The following PACRG variants were observed in gnomAD, a reference collection of about 807,000 sequenced individuals.
PACRG encodes the protein parkin coregulated gene protein.
A neutral mutation model predicts 29.7 loss-of-function variants in PACRG; 29 were observed. The observed-to-expected ratio is 0.98, with a 90% CI of 0.73 to 1.33. PACRG has a LOEUF of 1.33. Ranked by LOEUF, PACRG falls within the 40% of genes most tolerant of loss-of-function variation. PACRG has a pLI of 0.00. For missense variants in PACRG, 279 were observed against 316.2 expected (o/e 0.88, Z 0.89); for synonymous variants, 116 against 118.7 (o/e 0.98, Z 0.15).
intron 2 of PACRG, among the ~76,000 whole-genome samples, chr6:163,046,277 G>C (rs181299780): frequency 3.3e-5 from 5 of 150,462 alleles, no homozygotes; most frequent in Non-Finnish European, 7.4e-5. Flanking sequence ...CCTGACTCCA[G>C]CCCATAATGA....
chr6:163,190,369 G>A (rs1203926072), intron 4 of PACRG: 1 of 152,204 alleles, frequency 6.6e-6, no homozygotes, highest in African/African-American at 2.4e-5. Flanking sequence ...CTTGAGCAAC[G>A]TTGGAATATG....
chr6:163,159,015 T>C (rs1309273517), intron 4 of PACRG, among the ~76,000 whole-genome samples: 4 of 152,154 alleles, frequency 2.6e-5, no homozygotes, highest in Admixed American at 6.5e-5. Context: ...AAGAATAAGC[T>C]GCTTTGAATG....
At chr6:163,023,682 C>T (rs1011539534) in intron 2 of PACRG, among the ~76,000 whole-genome samples, 3 of 152,230 alleles carry the variant, frequency 2.0e-5, no homozygotes, top group Non-Finnish European at 4.4e-5. Context: ...GACTAATTTA[C>T]ATTCCCACCA....
At chr6:163,033,805 C>T (rs568566644) in intron 2 of PACRG, among the ~76,000 whole-genome samples, 13 of 152,270 alleles carry the variant, frequency 8.5e-5, no homozygotes, top group African/African-American at 3.1e-4. Flanking sequence ...AGAGGGAAAC[C>T]TCATCCAGTG....
intron 4 of PACRG, among the ~76,000 whole-genome samples, chr6:163,246,327 C>A (rs976337915): frequency 6.6e-6 from 1 of 152,084 alleles, no homozygotes; most frequent in African/African-American, 2.4e-5. Context: ...GCCTTTGCAC[C>A]AGCTCCTTCT....
At chr6:162,751,309 T>A (rs1464451998) in intron 1 of PACRG, among the ~76,000 whole-genome samples, 1 of 152,148 alleles carries the variant, frequency 6.6e-6, no homozygotes, top group East Asian at 1.9e-4. Context: ...CTAAGCATTT[T>A]AGATTATAAT....
At chr6:163,151,833 G>C (rs1368696389) in intron 4 of PACRG, among the ~76,000 whole-genome samples, 1 of 152,186 alleles carries the variant, frequency 6.6e-6, no homozygotes, top group Non-Finnish European at 1.5e-5. Flanking sequence ...AGAATGAAAT[G>C]AATCAATGTA....
rs139323644 is a variant in PACRG, at chr6:163,095,151, G to A, written c.613+5743G>A. On this transcript the variant is annotated intron_variant, in intron 4 of 4. Transcript: ENST00000366888. The stretch of plus-strand genomic sequence containing the variant: ...CACCTGATGCCCCCACGCGTGGTCA[G>A]CCCATAAAGACCTCTTTACCATGGT... Among the ~76,000 whole-genome samples, 539 of 152,232 alleles carry A rather than the reference G, an allele frequency of 3.5e-3. 4 individuals are homozygous for A. Among genetic ancestry groups the A allele is most frequent in the African/African-American group, 0.013 (520 of 41,556 alleles).
intron 2 of PACRG, among the ~76,000 whole-genome samples, chr6:163,057,379 G>T (rs184870730): frequency 6.6e-6 from 1 of 152,220 alleles, no homozygotes; most frequent in East Asian, 1.9e-4. Context: ...CTGGTTATTT[G>T]CATAAAATAT....
intron 4 of PACRG, among the ~76,000 whole-genome samples, chr6:163,245,341 T>G (rs558013356): frequency 3.9e-4 from 60 of 152,336 alleles, no homozygotes; most frequent in Non-Finnish European, 7.6e-4. Flanking sequence ...TGTGCCTGAA[T>G]TATAATTATA....
In PACRG at chr6:163,188,111, A is replaced by G. The variant is rs1422596964; in HGVS notation, c.613+98703A>G. 2.0e-5 allele frequency among the ~76,000 whole-genome samples: 3 copies of G among 152,278 alleles called. No homozygotes were observed. The East Asian group carries it at 5.8e-4, about 29-fold the overall frequency. On this transcript the variant is annotated intron_variant, in intron 4 of 4. Transcript: ENST00000366888. ...TGGGTTTATATGAGTATCTTTTCCTACAGGGAACTATGTGATCTGTGCAAA... is the reference window on the plus strand; with the variant it reads ...TGGGTTTATATGAGTATCTTTTCCTGCAGGGAACTATGTGATCTGTGCAAA...
chr6:162,958,882 T>TGG (rs1800345971), intron 2 of PACRG, among the ~76,000 whole-genome samples: 1 of 15,114 alleles, frequency 6.6e-5, no homozygotes. Flanking sequence ...TATATATATA[T>TGG]ATAGAGAGAG....
chr6:163,196,197 C>T (rs1306200662), intron 4 of PACRG, among the ~76,000 whole-genome samples: 1 of 152,234 alleles, frequency 6.6e-6, no homozygotes, highest in East Asian at 1.9e-4. Flanking sequence ...CCGTGCCCTG[C>T]ACATGATAAG....
intron 4 of PACRG, among the ~76,000 whole-genome samples, chr6:163,240,345 A>C (rs1215050962): frequency 6.6e-6 from 1 of 152,206 alleles, no homozygotes; most frequent in Non-Finnish European, 1.5e-5. Context: ...AAGAAAAAGC[A>C]GAAATTTTGT....
chr6:163,176,888 A>T (rs1033117656), intron 4 of PACRG, among the ~76,000 whole-genome samples: 10 of 152,238 alleles, frequency 6.6e-5, no homozygotes, highest in African/African-American at 2.4e-4. Flanking sequence ...GTGTTAAATG[A>T]CAAGCCCAGG....
intron 2 of PACRG, among the ~76,000 whole-genome samples, chr6:162,947,342 A>AT (rs1388762226): frequency 0.033 from 435 of 13,348 alleles, 20 homozygotes; most frequent in African/African-American, 0.046. Context: ...TCATATATAT[A>AT]ATGATTACAT....
chr6:162,959,868 T>C (rs573681093), intron 2 of PACRG, among the ~76,000 whole-genome samples: 2 of 152,180 alleles, frequency 1.3e-5, no homozygotes, highest in African/African-American at 4.8e-5. Context: ...ATAACAAAGG[T>C]CTAATACCCA....
chr6:162,816,155 T>C (rs78397978), intron 2 of PACRG, among the ~76,000 whole-genome samples: 27,520 of 152,018 alleles, frequency 0.18, 3,093 homozygotes, highest in Non-Finnish European at 0.25. Context: ...TAAGCTACTA[T>C]TGATTATAGT....
chr6:163,270,674 G>A (rs1442880482), intron 4 of PACRG, among the ~76,000 whole-genome samples: 1 of 151,994 alleles, frequency 6.6e-6, no homozygotes, highest in Non-Finnish European at 1.5e-5. Flanking sequence ...CACTCAGCCT[G>A]AAACCATTTT....
Sources: allele counts gnomAD v4.1 joint callset (sites outside exome capture counted in the v4.1 genomes callset), GRCh38; gene constraint gnomAD v4.1.1; transcripts MANE v1.5; gene names NCBI Gene and HGNC (gene_info 2026-07-23, HGNC 2026-07-21).